Variants in BST1 observed in about 807,000 individuals in gnomAD.
The protein encoded by BST1 is bone marrow stromal cell antigen 1.
A neutral mutation model predicts 40.6 loss-of-function variants in BST1; 49 were observed. The observed-to-expected ratio is 1.21, with a 90% confidence interval of 0.96 to 1.53. The LOEUF is 1.53. Among genes scored for constraint, BST1 ranks in the 40% most tolerant of loss-of-function variants. The pLI is 0.00. For missense variants in BST1, 423 were observed against 395.9 expected (o/e 1.07, Z -0.58); for synonymous variants, 157 against 159.3 (o/e 0.99, Z 0.11).
intron 1 of BST1, among the ~76,000 whole-genome samples, chr4:15,704,672 A>G (rs1427299421): frequency 6.6e-6 from 1 of 152,066 alleles, no homozygotes; most frequent in Non-Finnish European, 1.5e-5. Context: ...GTAACAGCCC[A>G]TTGCCACCCA....
chr4:15,771,761 A>T, the BST1 span, among the ~76,000 whole-genome samples: 1 of 152,238 alleles, frequency 6.6e-6, no homozygotes, highest in Non-Finnish European at 1.5e-5. Flanking sequence ...TTAGGAGTGT[A>T]TGTACTTGGA....
the BST1 span, among the ~76,000 whole-genome samples, chr4:15,750,642 T>C: frequency 6.6e-6 from 1 of 152,206 alleles, no homozygotes; most frequent in East Asian, 1.9e-4. Flanking sequence ...AGATGGGCTG[T>C]AAGTGTACAA....
At chr4:15,749,856 A>G in the BST1 span, among the ~76,000 whole-genome samples, 2 of 151,870 alleles carry the variant, frequency 1.3e-5, no homozygotes, top group Non-Finnish European at 2.9e-5. Context: ...TTTGTAAATT[A>G]TTTTAAAATA....
At chr4:15,703,778 A>ATG (rs1560274981) in intron 1 of BST1, among the ~76,000 whole-genome samples, 1 of 82,934 alleles carries the variant, frequency 1.2e-5, no homozygotes. Flanking sequence ...TAAAGGTGAG[A>ATG]TGTGTGTGTG....
chr4:15,769,375 G>A, the BST1 span, among the ~76,000 whole-genome samples: 1 of 152,248 alleles, frequency 6.6e-6, no homozygotes, highest in Non-Finnish European at 1.5e-5. Flanking sequence ...GGCAGGCAAC[G>A]GCCCTGTTGG....
the BST1 span, among the ~76,000 whole-genome samples, chr4:15,752,475 G>A: frequency 7.3e-5 from 11 of 151,158 alleles, no homozygotes; most frequent in Admixed American, 2.0e-4. Flanking sequence ...TGCAACCCCC[G>A]CCTCCCGGGT....
chr4:15,722,140 T>C (rs1163827563), intron 7 of BST1, among the ~76,000 whole-genome samples: 1 of 152,232 alleles, frequency 6.6e-6, no homozygotes. Flanking sequence ...AGTCCAACCT[T>C]CTGCCCAAAG....
intron 1 of BST1, chr4:15,704,854 GC>G (rs1719788149): frequency 2.8e-6 from 2 of 713,826 alleles, no homozygotes. Context: ...TCCTTCTGTG[GC>G]CCCCCTTTTC....
downstream of BST1, among the ~76,000 whole-genome samples, chr4:15,735,359 T>C (rs1000567207): frequency 2.6e-5 from 4 of 152,196 alleles, no homozygotes; most frequent in African/African-American, 9.6e-5. Flanking sequence ...AGCCTAGCCC[T>C]GCTTGGATGA....
chr4:15,707,381 G>A (rs372837778), intron 2 of BST1, 130 bp from the exon 3 acceptor site: 31 of 1,003,098 alleles, frequency 3.1e-5, no homozygotes, highest in African/African-American at 2.7e-4. Flanking sequence ...GAAAAAGAAC[G>A]TTCAGTTGTT....
the BST1 span, among the ~76,000 whole-genome samples, chr4:15,770,440 C>T: frequency 2.6e-5 from 4 of 152,270 alleles, no homozygotes; most frequent in Non-Finnish European, 5.9e-5. Flanking sequence ...TGTGGTGGCT[C>T]ACGTCTGTAA....
At chr4:15,703,473 C>A (rs1719662155) in intron 1 of BST1, 141 bp downstream of exon 1, 2 of 1,356,682 alleles carry the variant, frequency 1.5e-6, no homozygotes. Flanking sequence ...GTGGAGACAG[C>A]GATGGTCCTG....
At chr4:15,762,188 C>CAAAAAAAAA in the BST1 span, among the ~76,000 whole-genome samples, 20 of 61,264 alleles carry the variant, frequency 3.3e-4, no homozygotes, top group Admixed American at 4.8e-4. Flanking sequence ...GACTCCATCT[C>CAAAAAAAAA]AAAAAAAAAA....
At chr4:15,774,014 G>T in the BST1 span, among the ~76,000 whole-genome samples, 1 of 152,180 alleles carries the variant, frequency 6.6e-6, no homozygotes, top group Non-Finnish European at 1.5e-5. Context: ...TGTATTTGAA[G>T]ATAGGGTAAT....
At chr4:15,708,182 C>T (rs1484695209) in intron 3 of BST1, among the ~76,000 whole-genome samples, 3 of 152,142 alleles carry the variant, frequency 2.0e-5, no homozygotes, top group African/African-American at 7.2e-5. Context: ...AAGGCTGGGT[C>T]TCAGTCCTGT....
At chr4:15,705,318 C>T (rs1002812751) in intron 1 of BST1, among the ~76,000 whole-genome samples, 197 bp from the exon 2 acceptor site, 2 of 152,004 alleles carry the variant, frequency 1.3e-5, no homozygotes, top group Non-Finnish European at 1.5e-5. Flanking sequence ...CTGTGCAGTG[C>T]CTTCAGAGAG....
At chr4:15,707,419 C>G (rs1719938565) in intron 2 of BST1, 92 bp from the exon 3 acceptor site, 1 of 1,494,158 alleles carries the variant, frequency 6.7e-7, no homozygotes, top group Admixed American at 1.7e-5. Context: ...TGAATGAGAA[C>G]TGGATTGCCC....
At chr4:15,711,955 T>C in intron 4 of BST1, 66 bp downstream of exon 4, 1 of 1,420,020 alleles carries the variant, frequency 7.0e-7, no homozygotes, top group African/African-American at 1.4e-5. Flanking sequence ...AACATAGTCA[T>C]TCAGAGTCTG....
Position 15,703,331 on chromosome 4 carries a change from C to T in BST1, c.187C>T (p.Arg63Trp). The T allele has an allele frequency of 7.2e-7, 1 of 1,381,350 alleles. No individual in the cohort carries two copies. The highest frequency in any genetic ancestry group is 2.7e-5 in the Admixed American group (1 of 36,568). The allele number at this position is 1,381,350 out of a possible 1,614,324, so 85.6% of individuals were successfully genotyped here. A position where few individuals can be genotyped will look rare whatever the true frequency, so the allele number is the denominator to read the frequency against. Residue 63 changes from arginine (R) to tryptophan (W), a missense_variant and splice_region_variant, in exon 1 of 9, where the codon CGG becomes TGG. Transcript: ENST00000265016. ...EYRALLSPEQ[R>W]NKNCTAIWEA... ...CCGCGCACTGCTGAGTCCCGAGCAG[C>T]GGTGAGGCAGTCGGCCGGGTGGAAG...
Sources: gnomAD v4.1 joint callset for allele counts (sites outside exome capture counted in the v4.1 genomes callset) on GRCh38, gnomAD v4.1.1 for gene constraint, MANE v1.5 for transcripts, NCBI Gene and HGNC (gene_info 2026-07-23, HGNC 2026-07-21) for gene names.